TTYH3: variants seen among roughly 807,000 people sequenced by gnomAD.
TTYH3 encodes the protein tweety family member 3.
Under a neutral mutation model 68.2 loss-of-function variants are expected in TTYH3, and 23 were observed. That is an observed-to-expected ratio of 0.34 (90% CI 0.24 to 0.48). TTYH3 has a LOEUF of 0.48. Ranked by LOEUF, TTYH3 falls within the 20% of genes least tolerant of loss-of-function variation. TTYH3 has a pLI of 0.99. For missense variants in TTYH3, 768 were observed against 727.7 expected, an observed-to-expected ratio of 1.06 and a Z score of -0.64; for synonymous variants, 360 against 332.8, an observed-to-expected ratio of 1.08 and a Z score of -0.89.
Position 2,645,483 on chromosome 7 carries a change from T to G in TTYH3, c.124-1370T>G. 5.6e-6 allele frequency: 1 copy of G among 177,404 alleles called. No individual in the cohort carries two copies. Among genetic ancestry groups the G allele is most frequent in the South Asian group, 1.0e-4 (1 of 9,698 alleles). The allele number at this position is 177,404 out of a possible 1,614,324, so 11.0% of individuals were successfully genotyped here. ...TCAAATTAGCCACTTCCTGTGGGGG[T>G]CGCCTGGCCTCGGGACAGGGGAGCT... On this transcript the variant is annotated intron_variant, in intron 1 of 13. Transcript: ENST00000258796. This position sits in a 1 kb window ranked among gnomAD's most constrained non-coding sequence, Gnocchi z 4.8.
Position 2,658,337 on chromosome 7 carries a change from G to T in TTYH3, c.1302G>T (p.Ala434=). The part of the protein sequence containing the change: ...EEEAAPGPRQ[A]HDSLYRVHMP... Reference sequence around the variant, plus strand: ...AGGCCGCTCCAGGGCCGCGGCAGGCGCACGACAGCCTCTACCGCGTCCACA... The same window carrying T: ...AGGCCGCTCCAGGGCCGCGGCAGGCTCACGACAGCCTCTACCGCGTCCACA... Residue 434 remains alanine (A), a synonymous_variant, in exon 12 of 14, where the codon GCG becomes GCT. Coordinates refer to ENST00000258796, the MANE Select transcript of TTYH3 (RefSeq NM_025250.3). 4 of 1,605,316 alleles carry T rather than the reference G, an allele frequency of 2.5e-6. No homozygotes were observed. The highest frequency in any genetic ancestry group is 3.4e-6 in the Non-Finnish European group (4 of 1,176,462).
intron 2 of TTYH3, 28 bp from the exon 3 acceptor site, chr7:2,647,114 C>T: frequency 6.4e-7 from 1 of 1,571,198 alleles, no homozygotes; most frequent in Non-Finnish European, 8.6e-7. Flanking sequence ...GTGGGCGGGG[C>T]TACATCTCAC....
intron 1 of TTYH3, 100 bp downstream of exon 1, chr7:2,632,378 C>G: frequency 1.6e-6 from 2 of 1,247,482 alleles, no homozygotes; most frequent in Non-Finnish European, 2.1e-6. Flanking sequence ...CTAAAGACCC[C>G]TCATCCCCCC....
At chr7:2,639,591 C>T (rs1482135897) in intron 1 of TTYH3, among the ~76,000 whole-genome samples, 2 of 152,208 alleles carry the variant, frequency 1.3e-5, no homozygotes, top group Non-Finnish European at 2.9e-5. Context: ...GAAGCTGATG[C>T]TCCCAATTAG....
At position 2,662,017 on chromosome 7, in the gene TTYH3, G is replaced by A; in HGVS notation, c.*278G>A. 1.7e-6 allele frequency: 1 copy of A among 580,148 alleles called. No homozygotes were observed. The highest frequency in any genetic ancestry group is 3.1e-6 in the Non-Finnish European group (1 of 323,750). The allele number at this position is 580,148 out of a possible 1,614,324, so 35.9% of individuals were successfully genotyped here. A position where few individuals can be genotyped will look rare whatever the true frequency, so the allele number is the denominator to read the frequency against. ...CCCACTATCCCGGCACGCTCCCTCT[G>A]CAGATGGTCGCCGCACCTACAAGCC... On this transcript the variant is annotated 3_prime_UTR_variant, in exon 14 of 14. Transcript: ENST00000258796.
rs764547957 is a variant in TTYH3, at chr7:2,635,935, CG to C, written c.123+3661del. ...CTGAGGCAGAGAGAAGCTTGAGCCT[CG>C]GGGAGAGGCCTCAGCCCCACGTGCC... On this transcript the variant is annotated intron_variant, in intron 1 of 13. Transcript: ENST00000258796. 5.0e-4 allele frequency among the ~76,000 whole-genome samples: 76 copies of C among 152,298 alleles called. 1 individual carries two copies. The highest frequency in any genetic ancestry group is 2.0e-3 in the Admixed American group (31 of 15,302).
chr7:2,644,555 G>T (rs1030855300), intron 1 of TTYH3, among the ~76,000 whole-genome samples: 1 of 152,204 alleles, frequency 6.6e-6, no homozygotes, highest in Admixed American at 6.5e-5. Context: ...CAGTGGCTCT[G>T]GTGCCAGCCC....
At chr7:2,654,346 G>A (rs751768534) in intron 9 of TTYH3, among the ~76,000 whole-genome samples, 2 of 152,072 alleles carry the variant, frequency 1.3e-5, no homozygotes, top group Non-Finnish European at 2.9e-5. Flanking sequence ...AGTGAGCTGT[G>A]ATGGCACCAG....
At position 2,632,233 on chromosome 7, in the gene TTYH3, G is replaced by A; in HGVS notation, c.78G>A (p.Glu26=). The change falls in exon 1 of 14, where the codon GAG becomes GAA. Residue 26 remains glutamate (E), a synonymous_variant. Transcript: ENST00000258796. Reference sequence around the variant, plus strand: ...TGCCCCACTTCGACCTGAGCTGGGAGGCCACTAGCAGCCAGTTCCGGCCCG... The same window carrying A: ...TGCCCCACTTCGACCTGAGCTGGGAAGCCACTAGCAGCCAGTTCCGGCCCG... ...HRLPHFDLSW[E]ATSSQFRPED... is the part of the protein sequence containing the mutation. 6.3e-7 allele frequency: 1 copy of A among 1,587,322 alleles called. No individual in the cohort carries two copies. The highest frequency in any genetic ancestry group is 8.6e-7 in the Non-Finnish European group (1 of 1,166,356).
Position 2,661,944 on chromosome 7 carries a change from G to T in TTYH3, c.*205G>T. Reference sequence around the variant, plus strand: ...CTCTGGGCCCGTACCGCCAACTCGGGTCACACCTGAACGCTGCTGCCAGCC... The same window carrying T: ...CTCTGGGCCCGTACCGCCAACTCGGTTCACACCTGAACGCTGCTGCCAGCC... On this transcript the variant is annotated 3_prime_UTR_variant, in exon 14 of 14. Coordinates refer to ENST00000258796, the MANE Select transcript of TTYH3 (RefSeq NM_025250.3). 1 of 626,512 alleles carries T rather than the reference G, an allele frequency of 1.6e-6. No individual in the cohort carries two copies. The highest frequency in any genetic ancestry group is 2.7e-5 in the East Asian group (1 of 36,522). The allele number at this position is 626,512 out of a possible 1,614,324, so 38.8% of individuals were successfully genotyped here.
At chr7:2,640,299 C>T (rs1251111716) in intron 1 of TTYH3, among the ~76,000 whole-genome samples, 1 of 152,230 alleles carries the variant, frequency 6.6e-6, no homozygotes, top group Non-Finnish European at 1.5e-5. Context: ...CACGGTAGCC[C>T]ACAGGTTGGT....
intron 5 of TTYH3, 43 bp downstream of exon 5, chr7:2,648,097 G>A (rs1427117979): frequency 6.3e-7 from 1 of 1,575,490 alleles, no homozygotes; most frequent in African/African-American, 1.3e-5. Flanking sequence ...CAAAGCGGAG[G>A]GGCAGGGCAA....
At chr7:2,634,548 G>A (rs1009149389) in intron 1 of TTYH3, among the ~76,000 whole-genome samples, 1 of 150,596 alleles carries the variant, frequency 6.6e-6, no homozygotes, top group South Asian at 2.1e-4. Flanking sequence ...CATCTGCCCC[G>A]TGGTTATGGG....
chr7:2,651,080 C>T (rs1466331622), intron 7 of TTYH3, among the ~76,000 whole-genome samples: 2 of 151,948 alleles, frequency 1.3e-5, no homozygotes, highest in African/African-American at 4.8e-5. Flanking sequence ...GGGAGGTTTG[C>T]GATGTGTGTC....
chr7:2,656,154 C>A lies in TTYH3; in HGVS notation c.1083C>A (p.Thr361=). Residue 361 remains threonine, a synonymous_variant, in exon 10 of 14, where the codon ACC becomes ACA. Coordinates refer to ENST00000258796, the MANE Select transcript of TTYH3 (RefSeq NM_025250.3). ...CGGAGGTGAACCTGCAGCACCTCAC[C>A]GCCCTGGTGGACTGCCGCAGCCTGC... ...NGTEVNLQHL[T]ALVDCRSLHL... is the part of the protein sequence containing the mutation. 6.4e-7 allele frequency: 1 copy of A among 1,570,762 alleles called. No individual in the cohort carries two copies. Among genetic ancestry groups the A allele is most frequent in the Non-Finnish European group, 8.6e-7 (1 of 1,158,454 alleles).
chr7:2,651,540 G>A (rs1021779673), intron 7 of TTYH3, among the ~76,000 whole-genome samples: 1 of 152,150 alleles, frequency 6.6e-6, no homozygotes, highest in Non-Finnish European at 1.5e-5. Context: ...CGGCCTTTGG[G>A]GGGATCTCAT....
In TTYH3 at chr7:2,662,028, C is replaced by T. The variant is rs1364607915; in HGVS notation, c.*289C>T. 3 of 572,246 alleles carry T rather than the reference C, an allele frequency of 5.2e-6. No homozygotes were observed. The Admixed American group carries it at 9.2e-5, about 18-fold the overall frequency. 35.4% of individuals were successfully genotyped at this position (572,246 alleles called of 1,614,324 possible). ...GGCACGCTCCCTCTGCAGATGGTCGCCGCACCTACAAGCCCTGGCCGCACC... is the reference window on the plus strand; with the variant it reads ...GGCACGCTCCCTCTGCAGATGGTCGTCGCACCTACAAGCCCTGGCCGCACC... On this transcript the variant is annotated 3_prime_UTR_variant, in exon 14 of 14. Transcript: ENST00000258796.
chr7:2,659,971 A>G, intron 13 of TTYH3: 1 of 1,301,992 alleles, frequency 7.7e-7, no homozygotes, highest in African/African-American at 1.5e-5. Context: ...TCTGGCAGCC[A>G]CGCGGGCTGG....
chr7:2,653,137 C>T (rs1226287539), intron 9 of TTYH3, 127 bp downstream of exon 9: 5 of 782,558 alleles, frequency 6.4e-6, no homozygotes, highest in East Asian at 2.7e-5. Context: ...GAGTGGGGAC[C>T]TGGTGTTGGA....
Sources: allele counts gnomAD v4.1 joint callset (sites outside exome capture counted in the v4.1 genomes callset), GRCh38; gene constraint gnomAD v4.1.1; non-coding constraint Gnocchi (gnomAD v3.1); transcripts MANE v1.5; gene names NCBI Gene and HGNC (gene_info 2026-07-23, HGNC 2026-07-21).